The following DERA variants were observed in gnomAD, a reference collection of about 807,000 sequenced individuals.
DERA encodes deoxyribose-phosphate aldolase.
DERA carries 15 observed loss-of-function variants against 41.1 expected under a neutral mutation model. The observed-to-expected ratio is 0.37, with a 90% CI of 0.24 to 0.56. DERA has a LOEUF of 0.56. Ranked by LOEUF, DERA falls within the 20% of genes least tolerant of loss-of-function variation. The pLI, the probability that DERA is intolerant of heterozygous loss-of-function variation, is 0.81. For synonymous variants in DERA, 139 were observed against 137.4 expected (o/e 1.01, Z -0.08); for missense variants, 396 against 403.4 (o/e 0.98, Z 0.16).
chr12:15,916,736 C>A (rs1948203124), intron 1 of DERA, among the ~76,000 whole-genome samples: 2 of 152,110 alleles, frequency 1.3e-5, no homozygotes, highest in African/African-American at 2.4e-5. Flanking sequence ...CAGGCATGAG[C>A]CGTCGCACCT....
At chr12:15,920,179 G>C (rs1948232072) in intron 1 of DERA, among the ~76,000 whole-genome samples, 1 of 152,158 alleles carries the variant, frequency 6.6e-6, no homozygotes, top group African/African-American at 2.4e-5. Flanking sequence ...GAATATTTCA[G>C]ATACTCTTTT....
rs1317492222 is a variant in DERA, at chr12:15,956,985, G to A, written c.81G>A (p.Arg27=). 6.2e-7 allele frequency: 1 copy of A among 1,613,952 alleles called. No homozygotes were observed. The highest frequency in any genetic ancestry group is 8.5e-7 in the Non-Finnish European group (1 of 1,179,864). The part of the protein sequence containing the change: ...KIQVNHPAVL[R]RAEQIQARRT... The stretch of plus-strand genomic sequence containing the variant: ...AAGTGAATCACCCGGCAGTTCTGAG[G>A]CGTGCGGAACAAATCCAGGCTCGCA... Residue 27 remains arginine, a synonymous_variant, in exon 2 of 9, where the codon AGG becomes AGA. Transcript: ENST00000428559.
In DERA at chr12:16,012,649, C is replaced by CT. The variant is rs1317012336; in HGVS notation, c.638-19887dup. The stretch of plus-strand genomic sequence containing the variant: ...ATTCTACCTCTAGGCAGAATTAAGC[C>CT]TTTTTTCTCAATAAATTTTAAACCA... On this transcript the variant is annotated intron_variant, in intron 6 of 8. Transcript: ENST00000428559. The surrounding 1 kb of genome is among the most constrained non-coding windows in gnomAD (Gnocchi z 4.1). Among the ~76,000 whole-genome samples the CT allele has an allele frequency of 3.9e-5, 6 of 152,044 alleles. No homozygotes were observed. Among genetic ancestry groups the CT allele is most frequent in the Non-Finnish European group, 8.8e-5 (6 of 68,022 alleles).
At chr12:15,942,478 C>G (rs920543084) in intron 1 of DERA, among the ~76,000 whole-genome samples, 6 of 152,170 alleles carry the variant, frequency 3.9e-5, no homozygotes, top group Non-Finnish European at 7.4e-5. Flanking sequence ...TATCTTCTAG[C>G]ATTTTTATGG....
chr12:16,023,473 CT>C (rs58250786), intron 6 of DERA, among the ~76,000 whole-genome samples: 1,302 of 111,868 alleles, frequency 0.012, 2 homozygotes, highest in East Asian at 0.038. Context: ...AACTCAAAGT[CT>C]TTTTTTTTTT....
In DERA at chr12:15,988,588, G is replaced by A. The variant is rs1477337357; in HGVS notation, c.637+6152G>A. Among the ~76,000 whole-genome samples, 1 of 152,140 alleles carries A rather than the reference G, an allele frequency of 6.6e-6. No homozygotes were observed. The highest frequency in any genetic ancestry group is 1.5e-5 in the Non-Finnish European group (1 of 68,018). ...GCTGATTGGTCCATGGGCGGCCATG[G>A]ATGGGCCTGGAAAAAGCACCATCGG... is the stretch of plus-strand genomic sequence containing the variant. On this transcript the variant is annotated intron_variant, in intron 6 of 8. Transcript: ENST00000428559. The surrounding 1 kb of genome is among the most constrained non-coding windows in gnomAD (Gnocchi z 6.0).
At chr12:16,034,527 A>T (rs1949114150) in intron 7 of DERA, among the ~76,000 whole-genome samples, 1 of 152,216 alleles carries the variant, frequency 6.6e-6, no homozygotes, top group South Asian at 2.1e-4. Context: ...ATTCGATTTC[A>T]AACAAATAGG....
At position 15,998,986 on chromosome 12, in the gene DERA, G is replaced by A. The variant is rs1228593242; in HGVS notation, c.637+16550G>A. ...TTGTAATTCTTCTACTGTTCTGATA[G>A]CACTATCAAGATTTCACCTCCTTTC... On this transcript the variant is annotated intron_variant, in intron 6 of 8. Coordinates refer to ENST00000428559, the MANE Select transcript of DERA (RefSeq NM_015954.4). The surrounding 1 kb of genome is among the most constrained non-coding windows in gnomAD (Gnocchi z 4.8). Among the ~76,000 whole-genome samples the A allele has an allele frequency of 6.6e-6, 1 of 152,144 alleles. No individual in the cohort carries two copies. The highest frequency in any genetic ancestry group is 1.5e-5 in the Non-Finnish European group (1 of 68,024).
intron 6 of DERA, among the ~76,000 whole-genome samples, chr12:16,024,155 T>C (rs1006485597): frequency 1.4e-4 from 21 of 152,138 alleles, no homozygotes; most frequent in Admixed American, 5.2e-4. Context: ...TCCAAAAACT[T>C]TGGGACAGTT....
At chr12:15,917,897 T>G (rs1200516025) in intron 1 of DERA, among the ~76,000 whole-genome samples, 1 of 152,198 alleles carries the variant, frequency 6.6e-6, no homozygotes, top group Non-Finnish European at 1.5e-5. Flanking sequence ...GTATGCTCAT[T>G]GTGATGGGTG....
At chr12:15,973,679 A>G (rs1256533723) in intron 5 of DERA, among the ~76,000 whole-genome samples, 1 of 152,136 alleles carries the variant, frequency 6.6e-6, no homozygotes, top group Non-Finnish European at 1.5e-5. Flanking sequence ...TACATTTTTT[A>G]TGTCCATGTG....
In DERA at chr12:16,003,658, G is replaced by A. The variant is rs561265725; in HGVS notation, c.637+21222G>A. Among the ~76,000 whole-genome samples the A allele has an allele frequency of 7.9e-5, 12 of 152,272 alleles. No homozygotes were observed. The highest frequency in any genetic ancestry group is 2.6e-4 in the Admixed American group (4 of 15,288). On this transcript the variant is annotated intron_variant, in intron 6 of 8. Coordinates refer to ENST00000428559, the MANE Select transcript of DERA (RefSeq NM_015954.4). The surrounding 1 kb of genome is among the most constrained non-coding windows in gnomAD (Gnocchi z 4.8). Reference sequence around the variant, plus strand: ...CTGCAGGGTTGATGTAAGAAAAACAGGTGAGTTTGCATTTGTTGGGGGAGC... The same window carrying A: ...CTGCAGGGTTGATGTAAGAAAAACAAGTGAGTTTGCATTTGTTGGGGGAGC...
intron 6 of DERA, among the ~76,000 whole-genome samples, chr12:16,022,622 A>G (rs1480780459): frequency 6.6e-6 from 1 of 152,180 alleles, no homozygotes; most frequent in African/African-American, 2.4e-5. Context: ...GAGCAAGAAA[A>G]AGCAGAATTA....
Position 15,982,543 on chromosome 12 carries a change from A to T in DERA, c.637+107A>T. On this transcript the variant is annotated intron_variant, in intron 6 of 8. Transcript: ENST00000428559. The surrounding 1 kb of genome is among the most constrained non-coding windows in gnomAD (Gnocchi z 4.0). Reference sequence around the variant, plus strand: ...TTATTAAACGTGCTAACCACTTGGAATTTTTTTGCGGGAGGAATCGGATAT... The same window carrying T: ...TTATTAAACGTGCTAACCACTTGGATTTTTTTTGCGGGAGGAATCGGATAT... The T allele has an allele frequency of 8.0e-7, 1 of 1,256,182 alleles. No homozygotes were observed. The highest frequency in any genetic ancestry group is 1.1e-6 in the Non-Finnish European group (1 of 920,078). The allele number at this position is 1,256,182 out of a possible 1,614,324, so 77.8% of individuals were successfully genotyped here.
chr12:16,010,887 C>T lies in DERA; in HGVS notation c.638-21655C>T, dbSNP rs1169051384. On this transcript the variant is annotated intron_variant, in intron 6 of 8. Coordinates refer to ENST00000428559, the MANE Select transcript of DERA (RefSeq NM_015954.4). This position sits in a 1 kb window ranked among gnomAD's most constrained non-coding sequence, Gnocchi z 5.5. ...TCACTGTAAAAAGAAACTCTACCCA[C>T]TTATCATCAATTGTTGAAAAAAAAG... 6.8e-6 allele frequency among the ~76,000 whole-genome samples: 1 copy of T among 146,832 alleles called. No individual in the cohort carries two copies. The highest frequency in any genetic ancestry group is 1.5e-5 in the Non-Finnish European group (1 of 67,988).
In DERA at chr12:15,958,186, A is replaced by G; in HGVS notation, c.130-2A>G. 1 of 1,550,054 alleles carries G rather than the reference A, an allele frequency of 6.5e-7. No individual in the cohort carries two copies. Among genetic ancestry groups the G allele is most frequent in the South Asian group, 1.2e-5 (1 of 80,644 alleles). ...CTTTGTTTTCACTTTTGTTTAAACCAGGCTGCTTGGCTCCTGAAAGCTGTT... is the reference window on the plus strand; with the variant it reads ...CTTTGTTTTCACTTTTGTTTAAACCGGGCTGCTTGGCTCCTGAAAGCTGTT... On this transcript the variant is annotated splice_acceptor_variant, in intron 2 of 8. Coordinates refer to ENST00000428559, the MANE Select transcript of DERA (RefSeq NM_015954.4). LOFTEE classifies it high-confidence loss of function.
Position 15,922,034 on chromosome 12 carries a change from G to A in DERA, c.31+10620G>A, listed in dbSNP as rs1320337193. Reference sequence around the variant, plus strand: ...CCTTTTTTAACTTTTGACTTCTTAGGAGGCAATCATTATTATAATCTCAAA... The same window carrying A: ...CCTTTTTTAACTTTTGACTTCTTAGAAGGCAATCATTATTATAATCTCAAA... On this transcript the variant is annotated intron_variant, in intron 1 of 8. Coordinates refer to ENST00000428559, the MANE Select transcript of DERA (RefSeq NM_015954.4). This position sits in a 1 kb window ranked among gnomAD's most constrained non-coding sequence, Gnocchi z 4.9. Among the ~76,000 whole-genome samples the A allele has an allele frequency of 6.6e-6, 1 of 152,040 alleles. No homozygotes were observed. Among genetic ancestry groups the A allele is most frequent in the African/African-American group, 2.4e-5 (1 of 41,380 alleles).
rs1197215881 is a variant in DERA at position 15,924,689 on chromosome 12, A to C, written c.31+13275A>C. ...TTACCTTTAACTTGATGAGTGATCA[A>C]TAAATGGTAGCCATTATTGTAATTC... On this transcript the variant is annotated intron_variant, in intron 1 of 8. Coordinates refer to ENST00000428559, the MANE Select transcript of DERA (RefSeq NM_015954.4). This position sits in a 1 kb window ranked among gnomAD's most constrained non-coding sequence, Gnocchi z 5.0. 1.3e-5 allele frequency among the ~76,000 whole-genome samples: 2 copies of C among 152,230 alleles called. No homozygotes were observed. The highest frequency in any genetic ancestry group is 2.9e-5 in the Non-Finnish European group (2 of 68,050).
Position 15,993,702 on chromosome 12 carries a change from T to A in DERA, c.637+11266T>A, listed in dbSNP as rs541255632. 6.6e-6 allele frequency among the ~76,000 whole-genome samples: 1 copy of A among 152,288 alleles called. No homozygotes were observed. Among genetic ancestry groups the A allele is most frequent in the Admixed American group, 6.5e-5 (1 of 15,300 alleles). ...CTTATAGGGTGAAAACTAATTAACTTGCTGTCTCATCCATGGAATAGATTT... is the reference window on the plus strand; with the variant it reads ...CTTATAGGGTGAAAACTAATTAACTAGCTGTCTCATCCATGGAATAGATTT... On this transcript the variant is annotated intron_variant, in intron 6 of 8. Transcript: ENST00000428559. The surrounding 1 kb of genome is among the most constrained non-coding windows in gnomAD (Gnocchi z 4.4).
Sources: allele counts gnomAD v4.1 joint callset (sites outside exome capture counted in the v4.1 genomes callset), GRCh38; gene constraint gnomAD v4.1.1; non-coding constraint Gnocchi (gnomAD v3.1); transcripts MANE v1.5; gene names NCBI Gene and HGNC (gene_info 2026-07-23, HGNC 2026-07-21).